The following ADAMTS3 variants were observed in gnomAD, a reference collection of about 807,000 sequenced individuals.
ADAMTS3 encodes the protein A disintegrin and metalloproteinase with thrombospondin motifs 3.
Under a neutral mutation model 129.0 loss-of-function variants are expected in ADAMTS3, and 73 were observed. The ratio of observed to expected loss-of-function variants is 0.57; its 90% confidence interval spans 0.47 to 0.69. The LOEUF (loss-of-function observed/expected upper bound fraction) is 0.69. Ranked by LOEUF, ADAMTS3 falls within the 30% of genes least tolerant of loss-of-function variation. ADAMTS3 has a pLI of 0.00. For synonymous variants in ADAMTS3, 477 were observed against 510.8 expected, an observed-to-expected ratio of 0.93 and a Z score of 0.89; for missense variants, 1,457 against 1,514.5, an observed-to-expected ratio of 0.96 and a Z score of 0.63.
chr4:72,435,828 C>G (rs1489363551), intron 3 of ADAMTS3, among the ~76,000 whole-genome samples: 2 of 151,962 alleles, frequency 1.3e-5, no homozygotes, highest in Non-Finnish European at 2.9e-5. Context: ...TGGATCCTTT[C>G]CTTACACCTA....
At chr4:72,378,918 C>A (rs975552597) in intron 4 of ADAMTS3, among the ~76,000 whole-genome samples, 2 of 152,106 alleles carry the variant, frequency 1.3e-5, no homozygotes, top group African/African-American at 4.8e-5. Flanking sequence ...TAAAATTCAT[C>A]TCCTTGTGGC....
intron 4 of ADAMTS3, among the ~76,000 whole-genome samples, chr4:72,344,190 C>G (rs1408929972): frequency 6.6e-6 from 1 of 152,094 alleles, no homozygotes; most frequent in Non-Finnish European, 1.5e-5. Flanking sequence ...ACTTACTAAA[C>G]AGATAAAGTA....
intron 21 of ADAMTS3, among the ~76,000 whole-genome samples, chr4:72,286,247 G>A (rs1718502990): frequency 6.6e-6 from 1 of 152,210 alleles, no homozygotes; most frequent in South Asian, 2.1e-4. Context: ...TACTTACAAA[G>A]TGGCAGCCTC....
intron 20 of ADAMTS3, among the ~76,000 whole-genome samples, chr4:72,289,221 G>A (rs928891012): frequency 3.3e-5 from 5 of 152,134 alleles, no homozygotes; most frequent in Admixed American, 6.5e-5. Flanking sequence ...CTGACACCTA[G>A]TAAGCATATC....
intron 3 of ADAMTS3, among the ~76,000 whole-genome samples, chr4:72,494,101 A>C (rs950521160): frequency 1.3e-5 from 2 of 152,172 alleles, no homozygotes; most frequent in Admixed American, 6.5e-5. Context: ...TTCATGAACT[A>C]GAATGTCAAT....
intron 3 of ADAMTS3, among the ~76,000 whole-genome samples, chr4:72,530,372 TATATA>T (rs1292897274): frequency 2.3e-5 from 2 of 85,852 alleles, no homozygotes; most frequent in Non-Finnish European, 4.0e-5. Context: ...ATAAATATAA[TATATA>T]ATATATATTA....
intron 3 of ADAMTS3, 141 bp from the exon 4 acceptor site, chr4:72,415,112 A>C: frequency 2.1e-6 from 1 of 487,684 alleles, no homozygotes; most frequent in Non-Finnish European, 3.2e-6. Flanking sequence ...AACTTAAAAT[A>C]GTTTTATTAA....
chr4:72,550,062 AGGAAGAGGAAGAGG>A lies in ADAMTS3; in HGVS notation c.98-1192_98-1179del, dbSNP rs1560564235. On this transcript the variant is annotated intron_variant, in intron 2 of 21. Transcript: ENST00000286657. ...GAAGAAGAGGAAGAGGAAGAGGAAG[AGGAAGAGGAAGAGG>A]AAGAGGAAGAAGAAGAAGAAGAAGA... 4.8e-4 allele frequency among the ~76,000 whole-genome samples: 5 copies of A among 10,368 alleles called. 2 individuals carry two copies. Among genetic ancestry groups the A allele is most frequent in the Non-Finnish European group, 1.2e-3 (5 of 4,314 alleles). 6.8% of individuals were successfully genotyped at this position (10,368 alleles called of 152,430 possible).
intron 4 of ADAMTS3, among the ~76,000 whole-genome samples, chr4:72,341,393 C>T (rs1720134687): frequency 6.6e-6 from 1 of 152,108 alleles, no homozygotes; most frequent in African/African-American, 2.4e-5. Context: ...TAACTCTCAC[C>T]ATCATCCACA....
intron 4 of ADAMTS3, among the ~76,000 whole-genome samples, chr4:72,404,785 G>T (rs945386863): frequency 6.7e-6 from 1 of 150,330 alleles, no homozygotes; most frequent in Non-Finnish European, 1.5e-5. Flanking sequence ...AAAATCTAAA[G>T]AACTCCTTCA....
At chr4:72,369,254 C>T (rs1720944810) in intron 4 of ADAMTS3, among the ~76,000 whole-genome samples, 1 of 152,070 alleles carries the variant, frequency 6.6e-6, no homozygotes, top group African/African-American at 2.4e-5. Context: ...ACCCCTTACC[C>T]AAGAACAACT....
intron 3 of ADAMTS3, among the ~76,000 whole-genome samples, chr4:72,483,976 C>A (rs1696150877): frequency 6.6e-6 from 1 of 151,998 alleles, no homozygotes; most frequent in Non-Finnish European, 1.5e-5. Context: ...CAAGATGGCA[C>A]CATTGCACTC....
intron 3 of ADAMTS3, among the ~76,000 whole-genome samples, chr4:72,462,744 T>G (rs940203464): frequency 1.3e-5 from 2 of 151,824 alleles, no homozygotes; most frequent in African/African-American, 4.8e-5. Flanking sequence ...AAATATAGAA[T>G]AGAATATAAA....
At chr4:72,535,515 C>G (rs1721164583) in intron 3 of ADAMTS3, among the ~76,000 whole-genome samples, 1 of 152,128 alleles carries the variant, frequency 6.6e-6, no homozygotes. Context: ...AGTAGACCTT[C>G]CAGAAGTCTC....
chr4:72,372,056 T>C (rs1721023283), intron 4 of ADAMTS3, among the ~76,000 whole-genome samples: 1 of 152,058 alleles, frequency 6.6e-6, no homozygotes, highest in Non-Finnish European at 1.5e-5. Flanking sequence ...CAGTGGAAAT[T>C]AGGAAATATT....
At chr4:72,367,976 A>G (rs1438316710) in intron 4 of ADAMTS3, among the ~76,000 whole-genome samples, 4 of 152,216 alleles carry the variant, frequency 2.6e-5, no homozygotes, top group Admixed American at 1.3e-4. Context: ...AATTTAAAAA[A>G]CAATAATTAT....
intron 3 of ADAMTS3, among the ~76,000 whole-genome samples, chr4:72,476,451 A>T (rs755676945): frequency 1.3e-5 from 2 of 152,136 alleles, no homozygotes; most frequent in African/African-American, 4.8e-5. Flanking sequence ...CCTTGTAACC[A>T]ATAAGGTAAT....
chr4:72,332,752 C>T (rs549349980), intron 5 of ADAMTS3, among the ~76,000 whole-genome samples: 199 of 152,236 alleles, frequency 1.3e-3, no homozygotes, highest in African/African-American at 4.6e-3. Context: ...ACCATCTTAA[C>T]CATAAAAATC....
chr4:72,379,085 ACT>A (rs1560493384), intron 4 of ADAMTS3, among the ~76,000 whole-genome samples: 1 of 152,064 alleles, frequency 6.6e-6, no homozygotes, highest in Non-Finnish European at 1.5e-5. Flanking sequence ...CTACCACTTC[ACT>A]GTCTTTTAGT....
Sources: gnomAD v4.1 joint callset for allele counts (sites outside exome capture counted in the v4.1 genomes callset) on GRCh38, gnomAD v4.1.1 for gene constraint, MANE v1.5 for transcripts, NCBI Gene and HGNC (gene_info 2026-07-23, HGNC 2026-07-21) for gene names.